Variants in UBE2V1 observed in about 807,000 individuals in gnomAD.
UBE2V1 encodes the protein ubiquitin-conjugating enzyme E2 variant 1.
In UBE2V1, 15 loss-of-function variants were observed where a neutral mutation model predicts 19.6. The ratio of observed to expected loss-of-function variants is 0.77; its 90% CI spans 0.51 to 1.18. The LOEUF (loss-of-function observed/expected upper bound fraction) is 1.18. Among genes scored for constraint, UBE2V1 ranks in the 50% most tolerant of loss-of-function variants. The probability of loss-of-function intolerance (pLI) is 0.00; values close to 1 mark genes in which losing one functional copy is unlikely to be tolerated. For synonymous variants in UBE2V1, 60 were observed against 60.7 expected (o/e 0.99, Z 0.05); for missense variants, 125 against 184.8 (o/e 0.68, Z 1.88).
intron 1 of UBE2V1, among the ~76,000 whole-genome samples, chr20:50,105,808 C>T (rs1163007020): frequency 1.3e-5 from 2 of 152,038 alleles, no homozygotes; most frequent in Admixed American, 6.5e-5. Flanking sequence ...CACATGCCTG[C>T]AATCCCAGCT....
rs2078689073 is a variant in UBE2V1, at chr20:50,082,604, G to A, written c.*164C>T. The A allele has an allele frequency of 1.6e-6, 2 of 1,270,462 alleles. No individual in the cohort carries two copies. Among genetic ancestry groups the A allele is most frequent in the Non-Finnish European group, 2.1e-6 (2 of 954,312 alleles). The allele number at this position is 1,270,462 out of a possible 1,614,324, so 78.7% of individuals were successfully genotyped here. ...TATATTTCAAATGGACAAAAAATTA[G>A]TATCATTTACAGTATCTTAAGATAA... is the stretch of plus-strand genomic sequence containing the variant. On this transcript the variant is annotated 3_prime_UTR_variant, in exon 4 of 4. Coordinates refer to ENST00000371674, the MANE Select transcript of UBE2V1 (RefSeq NM_001032288.3).
At chr20:50,099,483 T>C (rs985843813) in intron 1 of UBE2V1, among the ~76,000 whole-genome samples, 2 of 152,198 alleles carry the variant, frequency 1.3e-5, no homozygotes, top group Non-Finnish European at 2.9e-5. Context: ...GTAAAAGAAT[T>C]ATGGATGATT....
chr20:50,094,199 A>G (rs1215594047), intron 2 of UBE2V1, among the ~76,000 whole-genome samples: 1 of 60,268 alleles, frequency 1.7e-5, no homozygotes, highest in South Asian at 4.4e-4. Flanking sequence ...ATAAATATAC[A>G]GTATATATAA....
chr20:50,092,180 G>C (rs1178751937), intron 2 of UBE2V1, among the ~76,000 whole-genome samples: 2 of 152,054 alleles, frequency 1.3e-5, no homozygotes, highest in Non-Finnish European at 2.9e-5. Flanking sequence ...AAATTAGCCG[G>C]GTGTGGTGGT....
chr20:50,096,470 G>T, intron 2 of UBE2V1: 2 of 1,376,384 alleles, frequency 1.5e-6, no homozygotes, highest in Non-Finnish European at 2.0e-6. Flanking sequence ...AGTCTAAACA[G>T]GTTTTTGCTT....
rs1338982725 is a variant in UBE2V1, at chr20:50,093,925, T to C, written c.171+2747A>G. Among the ~76,000 whole-genome samples, 5 of 137,496 alleles carry C rather than the reference T, an allele frequency of 3.6e-5. No individual in the cohort carries two copies. The Admixed American group carries it at 4.1e-4, about 11-fold the overall frequency. 90.2% of individuals were successfully genotyped at this position (137,496 alleles called of 152,430 possible). A position where few individuals can be genotyped will look rare whatever the true frequency, so the allele number is the denominator to read the frequency against. On this transcript the variant is annotated intron_variant, in intron 2 of 3. Coordinates refer to ENST00000371674, the MANE Select transcript of UBE2V1 (RefSeq NM_001032288.3). ...ATTGCTTGAATCCGGGAGGTGGAGG[T>C]TGCAGTGAGCCGAGATTGCGCCACT... is the stretch of plus-strand genomic sequence containing the variant.
chr20:50,115,704 C>A, upstream of UBE2V1: 1 of 1,129,562 alleles, frequency 8.9e-7, no homozygotes, highest in South Asian at 3.6e-5. Flanking sequence ...ATTACCAAGC[C>A]GTTACATCCA....
chr20:50,113,190 C>T (rs544301485), upstream of UBE2V1: 901 of 1,213,600 alleles, frequency 7.4e-4, 8 homozygotes, highest in African/African-American at 0.011. Context: ...CGTCCCCCGG[C>T]CCTGATGCGC....
chr20:50,093,713 AG>A (rs938826372), intron 2 of UBE2V1, among the ~76,000 whole-genome samples: 10 of 151,980 alleles, frequency 6.6e-5, no homozygotes, highest in Admixed American at 6.6e-5. Context: ...TATCTCCGGC[AG>A]GGCGCGATGG....
At chr20:50,111,558 T>C (rs2080754631) in intron 1 of UBE2V1, 1 of 1,000,326 alleles carries the variant, frequency 1.0e-6, no homozygotes, top group African/African-American at 1.7e-5. Flanking sequence ...TCAGCACTGT[T>C]CCAGCTGAAA....
intron 1 of UBE2V1, chr20:50,104,395 C>G: frequency 1.0e-6 from 1 of 981,756 alleles, no homozygotes; most frequent in South Asian, 4.7e-5. Flanking sequence ...CGGTGGCTCA[C>G]GCCTATAATC....
At chr20:50,110,372 A>C (rs1229237856) in intron 1 of UBE2V1, among the ~76,000 whole-genome samples, 3 of 152,250 alleles carry the variant, frequency 2.0e-5, no homozygotes, top group Admixed American at 1.3e-4. Context: ...AAATGCTGAA[A>C]GCAGTGACCA....
rs2078630249 is a variant in UBE2V1, at chr20:50,081,219, T to C, written c.*1549A>G. The stretch of plus-strand genomic sequence containing the variant: ...TTATGGAATACTGTTATGTTAAACT[T>C]CACTTACAGGATGTTAAATCCTTAG... On this transcript the variant is annotated 3_prime_UTR_variant, in exon 4 of 4. Transcript: ENST00000371674. The C allele has an allele frequency of 6.6e-6, 1 of 152,212 alleles. No homozygotes were observed. The highest frequency in any genetic ancestry group is 2.1e-4 in the South Asian group (1 of 4,830). 9.4% of individuals were successfully genotyped at this position (152,212 alleles called of 1,614,324 possible).
chr20:50,114,480 C>T (rs537278810), upstream of UBE2V1, among the ~76,000 whole-genome samples: 1 of 152,336 alleles, frequency 6.6e-6, no homozygotes, highest in African/African-American at 2.4e-5. Flanking sequence ...CAGCTAAAGC[C>T]TTCAGTGGCT....
intron 1 of UBE2V1, among the ~76,000 whole-genome samples, chr20:50,108,451 A>G (rs752048468): frequency 4.1e-4 from 63 of 152,182 alleles, no homozygotes; most frequent in Non-Finnish European, 7.5e-4. Context: ...CTCAGAGAAT[A>G]AGAAATGGGG....
intron 1 of UBE2V1, among the ~76,000 whole-genome samples, chr20:50,107,935 G>A (rs920210399): frequency 1.3e-5 from 2 of 152,192 alleles, no homozygotes; most frequent in Non-Finnish European, 2.9e-5. Flanking sequence ...GCTCAGGGAC[G>A]GCCTTTCTGG....
chr20:50,096,593 G>T, intron 2 of UBE2V1, 79 bp downstream of exon 2: 35 of 1,605,110 alleles, frequency 2.2e-5, no homozygotes, highest in Non-Finnish European at 3.0e-5. Context: ...CTTTTTTTCC[G>T]TGATAAGGCT....
chr20:50,082,751 G>A lies in UBE2V1; in HGVS notation c.*17C>T. 1 of 1,607,370 alleles carries A rather than the reference G, an allele frequency of 6.2e-7. No homozygotes were observed. Among genetic ancestry groups the A allele is most frequent in the South Asian group, 1.1e-5 (1 of 90,662 alleles). On this transcript the variant is annotated 3_prime_UTR_variant, in exon 4 of 4. Transcript: ENST00000371674. Reference sequence around the variant, plus strand: ...GAATTGGGGGGAAGGGGAAGGGCCTGTGGTTTTTCTTTTTGATTAATTGCT... The same window carrying A: ...GAATTGGGGGGAAGGGGAAGGGCCTATGGTTTTTCTTTTTGATTAATTGCT...
rs960241899 is a variant in UBE2V1, at chr20:50,081,604, T to C, written c.*1164A>G. 6.3e-6 allele frequency: 1 copy of C among 157,926 alleles called. No homozygotes were observed. Among genetic ancestry groups the C allele is most frequent in the East Asian group, 1.7e-4 (1 of 5,784 alleles). 9.8% of individuals were successfully genotyped at this position (157,926 alleles called of 1,614,324 possible). On this transcript the variant is annotated 3_prime_UTR_variant, in exon 4 of 4. Coordinates refer to ENST00000371674, the MANE Select transcript of UBE2V1 (RefSeq NM_001032288.3). ...GGTTCTTTTTGTTCCAGTTGTCAGA[T>C]TCCAAACTAGACCCCAATGGATTGC...
Sources: allele counts gnomAD v4.1 joint callset (sites outside exome capture counted in the v4.1 genomes callset), GRCh38; gene constraint gnomAD v4.1.1; transcripts MANE v1.5; gene names NCBI Gene and HGNC (gene_info 2026-07-23, HGNC 2026-07-21).